GNA14: variants seen among roughly 807,000 people sequenced by gnomAD.
GNA14 encodes the protein guanine nucleotide-binding protein subunit alpha-14.
GNA14 carries 50 observed loss-of-function variants against 42.0 expected under a neutral mutation model. The ratio of observed to expected loss-of-function variants is 1.19; its 90% confidence interval spans 0.95 to 1.51. GNA14 has a LOEUF of 1.51. GNA14 is among the 40% of genes most tolerant of loss of function. The probability of loss-of-function intolerance (pLI) is 0.00; values close to 1 mark genes in which losing one functional copy is unlikely to be tolerated. For synonymous variants in GNA14, 173 were observed against 163.1 expected (o/e 1.06, Z -0.46); for missense variants, 473 against 446.2 (o/e 1.06, Z -0.54).
intron 2 of GNA14, among the ~76,000 whole-genome samples, chr9:77,489,133 G>A (rs999903743): frequency 2.6e-5 from 4 of 151,930 alleles, no homozygotes; most frequent in African/African-American, 4.8e-5. Context: ...CTGCAGAACT[G>A]AAAGACTCAT....
At chr9:77,563,866 A>G (rs1024501281) in intron 1 of GNA14, among the ~76,000 whole-genome samples, 2 of 152,158 alleles carry the variant, frequency 1.3e-5, no homozygotes, top group African/African-American at 4.8e-5. Context: ...TTGAAGCATT[A>G]CATGTTTGTT....
intron 2 of GNA14, among the ~76,000 whole-genome samples, chr9:77,437,534 C>T (rs1361400022): frequency 6.8e-6 from 1 of 148,126 alleles, no homozygotes; most frequent in Non-Finnish European, 1.5e-5. Flanking sequence ...GAATGAGACC[C>T]TGTATAAGAA....
At chr9:77,430,650 A>C (rs1835532695) in intron 4 of GNA14, among the ~76,000 whole-genome samples, 1 of 152,202 alleles carries the variant, frequency 6.6e-6, no homozygotes, top group Non-Finnish European at 1.5e-5. Flanking sequence ...TGTTGTCTCA[A>C]CTAGAAAATC....
intron 1 of GNA14, among the ~76,000 whole-genome samples, chr9:77,600,067 ATTT>A (rs1184635500): frequency 3.3e-5 from 5 of 150,966 alleles, no homozygotes; most frequent in African/African-American, 4.8e-5. Flanking sequence ...CCATATATTG[ATTT>A]TTGTTTGTCA....
At chr9:77,514,259 G>A (rs1206190229) in intron 2 of GNA14, among the ~76,000 whole-genome samples, 2 of 152,160 alleles carry the variant, frequency 1.3e-5, no homozygotes, top group African/African-American at 4.8e-5. Flanking sequence ...CCATAGTCAA[G>A]GAGGCAAAAT....
intron 2 of GNA14, among the ~76,000 whole-genome samples, chr9:77,502,816 G>A (rs1380223584): frequency 6.6e-6 from 1 of 152,118 alleles, no homozygotes; most frequent in Non-Finnish European, 1.5e-5. Context: ...GGTGTGGGTG[G>A]GGCCACAGTG....
intron 2 of GNA14, among the ~76,000 whole-genome samples, chr9:77,525,269 G>C (rs949913489): frequency 6.6e-6 from 1 of 152,140 alleles, no homozygotes; most frequent in African/African-American, 2.4e-5. Flanking sequence ...AAAGTTTGCA[G>C]ACTCCAGCCC....
intron 2 of GNA14, among the ~76,000 whole-genome samples, chr9:77,440,982 C>T (rs1835722947): frequency 6.6e-6 from 1 of 152,172 alleles, no homozygotes; most frequent in Non-Finnish European, 1.5e-5. Context: ...TCCCAAAGTG[C>T]TGGGACTACA....
intron 1 of GNA14, among the ~76,000 whole-genome samples, chr9:77,599,650 C>T (rs1254445403): frequency 6.6e-6 from 1 of 152,190 alleles, no homozygotes; most frequent in African/African-American, 2.4e-5. Flanking sequence ...GGGGAGCCTG[C>T]CATGATCTGC....
chr9:77,460,198 C>T (rs775750306), intron 2 of GNA14, among the ~76,000 whole-genome samples: 11 of 152,234 alleles, frequency 7.2e-5, no homozygotes, highest in South Asian at 2.1e-4. Context: ...GATGAGGTCA[C>T]GTTGGATTAG....
intron 1 of GNA14, among the ~76,000 whole-genome samples, chr9:77,636,866 T>G (rs905162998): frequency 6.6e-6 from 1 of 152,150 alleles, no homozygotes; most frequent in Non-Finnish European, 1.5e-5. Flanking sequence ...CACAAGCCAA[T>G]GTTCCATGGA....
intron 1 of GNA14, among the ~76,000 whole-genome samples, chr9:77,631,488 A>G (rs938158203): frequency 3.0e-5 from 4 of 132,980 alleles, no homozygotes; most frequent in Non-Finnish European, 6.5e-5. Flanking sequence ...AAAAAAAAAA[A>G]GTAAAAAACC....
At chr9:77,571,933 T>C (rs577671949) in intron 1 of GNA14, among the ~76,000 whole-genome samples, 9 of 152,330 alleles carry the variant, frequency 5.9e-5, no homozygotes, top group South Asian at 2.1e-4. Context: ...TCTTTTTTTT[T>C]CCACCAACTG....
intron 1 of GNA14, among the ~76,000 whole-genome samples, chr9:77,536,108 C>G (rs562698899): frequency 2.1e-4 from 32 of 152,182 alleles, no homozygotes; most frequent in African/African-American, 7.7e-4. Flanking sequence ...AGAGGAGGTG[C>G]TATTTTTCAC....
chr9:77,539,270 GT>G (rs1302509932), intron 1 of GNA14, among the ~76,000 whole-genome samples: 1 of 152,152 alleles, frequency 6.6e-6, no homozygotes, highest in Non-Finnish European at 1.5e-5. Flanking sequence ...TAATAACATA[GT>G]TTTTGTTCTT....
chr9:77,503,170 G>A (rs1837002791), intron 2 of GNA14, among the ~76,000 whole-genome samples: 1 of 152,130 alleles, frequency 6.6e-6, no homozygotes, highest in Admixed American at 6.5e-5. Flanking sequence ...GGAAAAGTAT[G>A]CCTACTCTAT....
chr9:77,593,633 G>A (rs1483970820), intron 1 of GNA14, among the ~76,000 whole-genome samples: 2 of 152,190 alleles, frequency 1.3e-5, no homozygotes, highest in Non-Finnish European at 2.9e-5. Flanking sequence ...GGAGATGCAA[G>A]GCCTCCTGGG....
At position 77,535,297 on chromosome 9, in the gene GNA14, GGGAGGC is replaced by G. The variant is rs367947182; in HGVS notation, c.125-6050_125-6045del. Among the ~76,000 whole-genome samples the G allele has an allele frequency of 2.6e-3, 403 of 152,314 alleles. 4 individuals are homozygous for G. Among genetic ancestry groups the G allele is most frequent in the African/African-American group, 9.0e-3 (375 of 41,568 alleles). On this transcript the variant is annotated intron_variant, in intron 1 of 6. Coordinates refer to ENST00000341700, the MANE Select transcript of GNA14 (RefSeq NM_004297.4). ...CTCACGCCTGTAATCCCAGCACTTT[GGGAGGC>G]GGAGGCGGAGGCGGGAGGATCACGA... is the stretch of plus-strand genomic sequence containing the variant.
chr9:77,627,466 C>A (rs548058628), intron 1 of GNA14, among the ~76,000 whole-genome samples: 1 of 151,714 alleles, frequency 6.6e-6, no homozygotes, highest in South Asian at 2.1e-4. Context: ...ATTCAGGCAC[C>A]TGATGAACAT....
Sources: allele counts gnomAD v4.1 joint callset (sites outside exome capture counted in the v4.1 genomes callset), GRCh38; gene constraint gnomAD v4.1.1; transcripts MANE v1.5; gene names NCBI Gene and HGNC (gene_info 2026-07-23, HGNC 2026-07-21).